MAP4K4: variants seen among roughly 807,000 people sequenced by gnomAD.
The protein encoded by MAP4K4 is mitogen-activated protein kinase kinase kinase kinase 4, also known as HPK/GCK-like kinase HGK.
In MAP4K4, 38 loss-of-function variants were observed where a neutral mutation model predicts 189.6. The observed-to-expected ratio is 0.20, with a 90% CI of 0.15 to 0.26. The LOEUF (loss-of-function observed/expected upper bound fraction) is 0.26, where lower values mean the gene tolerates loss of function less well. Among genes scored for constraint, MAP4K4 ranks in the 10% least tolerant of loss-of-function variants. MAP4K4 has a pLI of 1.00. For missense variants in MAP4K4, 1,054 were observed against 1,726.9 expected (o/e 0.61, Z 6.91); for synonymous variants, 610 against 624.3 (o/e 0.98, Z 0.34).
intron 2 of MAP4K4, among the ~76,000 whole-genome samples, chr2:101,699,270 C>T (rs2036707997): frequency 6.6e-6 from 1 of 152,300 alleles, no homozygotes; most frequent in South Asian, 2.1e-4. Flanking sequence ...TTAACACCCA[C>T]CCTCCACCCC....
At chr2:101,792,926 G>A (rs1440776060) in intron 3 of MAP4K4, among the ~76,000 whole-genome samples, 1 of 152,150 alleles carries the variant, frequency 6.6e-6, no homozygotes, top group Non-Finnish European at 1.5e-5. Flanking sequence ...GAGCCACCGC[G>A]TCTGGCCCTC....
intron 27 of MAP4K4, among the ~76,000 whole-genome samples, chr2:101,877,869 C>A (rs2098256918): frequency 6.6e-6 from 1 of 152,168 alleles, no homozygotes; most frequent in Non-Finnish European, 1.5e-5. Context: ...CCTGCCTCAG[C>A]CTCCCGAGTA....
At chr2:101,814,185 A>AT (rs1419659532) in intron 3 of MAP4K4, among the ~76,000 whole-genome samples, 2 of 152,258 alleles carry the variant, frequency 1.3e-5, no homozygotes, top group African/African-American at 4.8e-5. Context: ...TCTGCAGAGA[A>AT]TGTGAGTAGA....
chr2:101,711,531 A>C (rs904504992), intron 2 of MAP4K4, among the ~76,000 whole-genome samples: 1 of 152,242 alleles, frequency 6.6e-6, no homozygotes. Flanking sequence ...CTGGGATTAC[A>C]GGCGTGAGCC....
intron 2 of MAP4K4, among the ~76,000 whole-genome samples, chr2:101,718,970 A>G (rs1420059048): frequency 6.6e-6 from 1 of 152,192 alleles, no homozygotes; most frequent in African/African-American, 2.4e-5. Context: ...TGTCTTATCC[A>G]TGTGGTGTAA....
intron 6 of MAP4K4, among the ~76,000 whole-genome samples, chr2:101,831,376 G>A (rs2096591200): frequency 6.6e-6 from 1 of 152,138 alleles, no homozygotes; most frequent in African/African-American, 2.4e-5. Flanking sequence ...TGAACCTGGG[G>A]CTCTCTGTGA....
At chr2:101,887,674 A>G (rs1253749520) in intron 30 of MAP4K4, 104 bp from the exon 31 acceptor site, 3 of 771,296 alleles carry the variant, frequency 3.9e-6, no homozygotes, top group Non-Finnish European at 6.2e-6. Flanking sequence ...ATTTATCTTC[A>G]GAGATATGGT....
intron 3 of MAP4K4, among the ~76,000 whole-genome samples, chr2:101,808,919 A>AC (rs774065109): frequency 7.3e-4 from 110 of 151,682 alleles, no homozygotes; most frequent in African/African-American, 8.7e-4. Context: ...TTACAGTCTC[A>AC]CCCCCCCGAC....
intron 2 of MAP4K4, among the ~76,000 whole-genome samples, chr2:101,747,315 C>T (rs2149879103): frequency 6.6e-6 from 1 of 152,204 alleles, no homozygotes; most frequent in East Asian, 1.9e-4. Context: ...GACGGGGTTT[C>T]ACCATGTTGG....
chr2:101,799,064 G>A (rs201473858), intron 3 of MAP4K4, among the ~76,000 whole-genome samples: 1 of 152,058 alleles, frequency 6.6e-6, no homozygotes, highest in East Asian at 1.9e-4. Context: ...TCTTTCCCAG[G>A]AACATAAATT....
chr2:101,894,440 CTT>C (rs1038232048), exon 33 of MAP4K4: 6 of 152,686 alleles, frequency 3.9e-5, no homozygotes, highest in Non-Finnish European at 8.8e-5. Flanking sequence ...TTTTAAGTGA[CTT>C]TTTATGGGTT....
intron 21 of MAP4K4, among the ~76,000 whole-genome samples, 161 bp from the exon 22 acceptor site, chr2:101,869,461 T>C (rs1041762448): frequency 1.1e-4 from 16 of 152,056 alleles, no homozygotes; most frequent in African/African-American, 3.9e-4. Context: ...TATTTGGTCT[T>C]TTCTATCAAA....
chr2:101,738,255 C>T (rs568850175), intron 2 of MAP4K4, among the ~76,000 whole-genome samples: 38 of 152,090 alleles, frequency 2.5e-4, no homozygotes, highest in Middle Eastern at 3.2e-3. Context: ...TGATTTCTGT[C>T]TTAGTCCATT....
chr2:101,802,270 A>G (rs924178188), intron 3 of MAP4K4, among the ~76,000 whole-genome samples: 2 of 152,102 alleles, frequency 1.3e-5, no homozygotes, highest in East Asian at 1.9e-4. Flanking sequence ...CATAGCCTCT[A>G]TCACGAGCCT....
intron 2 of MAP4K4, among the ~76,000 whole-genome samples, chr2:101,743,897 A>G (rs1574717774): frequency 6.6e-6 from 1 of 152,168 alleles, no homozygotes; most frequent in East Asian, 1.9e-4. Context: ...ACCTCAGGTG[A>G]TCCGCCCTCC....
At chr2:101,769,335 C>T (rs2080189332) in intron 2 of MAP4K4, among the ~76,000 whole-genome samples, 1 of 152,000 alleles carries the variant, frequency 6.6e-6, no homozygotes, top group Admixed American at 6.6e-5. Flanking sequence ...AGGTAAGGTC[C>T]CTGGCCTCCT....
At chr2:101,698,280 C>T (rs746482020) in intron 1 of MAP4K4, 143 bp downstream of exon 1, 4 of 514,986 alleles carry the variant, frequency 7.8e-6, no homozygotes, top group Non-Finnish European at 1.2e-5. Flanking sequence ...CCTGTGCGGG[C>T]TGGTGCGGGG....
At chr2:101,888,665 A>G (rs2098522705) in intron 31 of MAP4K4, 131 bp from the exon 32 acceptor site, 1 of 637,596 alleles carries the variant, frequency 1.6e-6, no homozygotes, top group Admixed American at 3.8e-5. Context: ...AAATCCTTAA[A>G]TGCTAGGCAT....
intron 2 of MAP4K4, among the ~76,000 whole-genome samples, chr2:101,757,849 G>T (rs756178302): frequency 6.6e-6 from 1 of 152,076 alleles, no homozygotes; most frequent in South Asian, 2.1e-4. Flanking sequence ...GTGAAATCCC[G>T]TCTCTACTAA....
Sources: gnomAD v4.1 joint callset for allele counts (sites outside exome capture counted in the v4.1 genomes callset) on GRCh38, gnomAD v4.1.1 for gene constraint, MANE v1.5 for transcripts, NCBI Gene and HGNC (gene_info 2026-07-23, HGNC 2026-07-21) for gene names.